Variants in ULK2 observed in about 807,000 individuals in gnomAD.
ULK2 encodes the protein serine/threonine-protein kinase ULK2.
A neutral mutation model predicts 127.5 loss-of-function variants in ULK2; 76 were observed. The observed-to-expected ratio is 0.60, with a 90% confidence interval of 0.50 to 0.72. The LOEUF is 0.72. ULK2 is among the 30% of genes least tolerant of loss of function. ULK2 has a pLI of 0.00. For synonymous variants in ULK2, 452 were observed against 461.9 expected (o/e 0.98, Z 0.28); for missense variants, 1,144 against 1,295.9 (o/e 0.88, Z 1.80).
chr17:19,785,868 T>C (rs899931506), intron 21 of ULK2, 69 bp downstream of exon 21: 9 of 1,552,888 alleles, frequency 5.8e-6, no homozygotes, highest in Non-Finnish European at 7.8e-6. Context: ...GTTACAACAC[T>C]GAGTCATTTG....
At chr17:19,781,693 C>A (rs185124187) in intron 23 of ULK2, among the ~76,000 whole-genome samples, 196 bp downstream of exon 23, 84 of 152,246 alleles carry the variant, frequency 5.5e-4, no homozygotes, top group Middle Eastern at 6.8e-3. Context: ...GTATAATTTA[C>A]AAGGAAAGGC....
intron 12 of ULK2, among the ~76,000 whole-genome samples, chr17:19,823,560 AAT>A (rs1293247534): frequency 1.3e-5 from 2 of 152,166 alleles, no homozygotes; most frequent in Non-Finnish European, 2.9e-5. Flanking sequence ...CATTGTGTCA[AAT>A]ATATGGTTCA....
chr17:19,799,580 A>C lies in ULK2; in HGVS notation c.1442-5T>G. 5.0e-6 allele frequency: 2 copies of C among 400,172 alleles called. No individual in the cohort carries two copies. Among genetic ancestry groups the C allele is most frequent in the Admixed American group, 1.5e-4 (1 of 6,518 alleles). 24.8% of individuals were successfully genotyped at this position (400,172 alleles called of 1,614,324 possible). A position where few individuals can be genotyped will look rare whatever the true frequency, so the allele number is the denominator to read the frequency against. On this transcript the variant is annotated splice_polypyrimidine_tract_variant and splice_region_variant and intron_variant, in intron 16 of 26. Coordinates refer to ENST00000395544, the MANE Select transcript of ULK2 (RefSeq NM_014683.4). ...ATTGCTCAGGAATGGTACCAACTAC[A>C]AAAAAAAAAAAAAAAAAGATGGGGA...
chr17:19,810,504 C>A, intron 13 of ULK2, 66 bp from the exon 14 acceptor site: 1 of 1,006,902 alleles, frequency 9.9e-7, no homozygotes, highest in South Asian at 1.5e-5. Flanking sequence ...CAAATTTGTT[C>A]CAAAATGATT....
At position 19,775,194 on chromosome 17, in the gene ULK2, G is replaced by A. The variant is rs1377021016; in HGVS notation, c.*1155C>T. On this transcript the variant is annotated 3_prime_UTR_variant, in exon 27 of 27. Coordinates refer to ENST00000395544, the MANE Select transcript of ULK2 (RefSeq NM_014683.4). ...ACAACGTAGGAACCATTCCTGGAGG[G>A]ATATTAAGTTAACTGCCTGCATTCT... is the stretch of plus-strand genomic sequence containing the variant. 1 of 152,610 alleles carries A rather than the reference G, an allele frequency of 6.6e-6. No individual in the cohort carries two copies. The highest frequency in any genetic ancestry group is 6.5e-5 in the Admixed American group (1 of 15,278). 9.5% of individuals were successfully genotyped at this position (152,610 alleles called of 1,614,324 possible).
chr17:19,823,126 ATT>A (rs3884213), intron 12 of ULK2, among the ~76,000 whole-genome samples: 2 of 113,144 alleles, frequency 1.8e-5, no homozygotes, highest in Admixed American at 1.0e-4. Flanking sequence ...ACGCCTGGCT[ATT>A]TTTTTTTTTT....
At chr17:19,862,585 G>A (rs1216187734) in intron 3 of ULK2, among the ~76,000 whole-genome samples, 1 of 151,310 alleles carries the variant, frequency 6.6e-6, no homozygotes, top group African/African-American at 2.4e-5. Context: ...CCTGCCTCAG[G>A]CTCCTGAGTA....
At chr17:19,851,567 G>A (rs976593569) in intron 3 of ULK2, among the ~76,000 whole-genome samples, 3 of 151,716 alleles carry the variant, frequency 2.0e-5, no homozygotes, top group Non-Finnish European at 4.4e-5. Context: ...TTGAGCCTGG[G>A]AGGTGGAGGT....
Position 19,825,153 on chromosome 17 carries a change from C to T in ULK2, c.865G>A (p.Gly289Ser), listed in dbSNP as rs2041255967. 1 of 1,613,986 alleles carries T rather than the reference C, an allele frequency of 6.2e-7. No homozygotes were observed. The highest frequency in any genetic ancestry group is 1.3e-5 in the African/African-American group (1 of 74,896). Residue 289 changes from glycine to serine, a missense_variant, in exon 12 of 27, where the codon GGT (glycine) becomes AGT (serine). Gly to Ser is a moderately conservative substitution (Grantham distance 56). Transcript: ENST00000395544. ...SCPVPVPMYS[G>S]SVSGSSCGSS... ...CCACAGGAGCTTCCAGAGACAGAAC[C>T]AGAATACATGGGCACTGGAACTGGG...
intron 25 of ULK2, 111 bp from the exon 26 acceptor site, chr17:19,777,827 A>G: frequency 7.6e-7 from 1 of 1,318,696 alleles, no homozygotes; most frequent in Non-Finnish European, 1.0e-6. Context: ...ACATTTTGGT[A>G]AAGTGATACA....
chr17:19,804,712 T>C lies in ULK2; in HGVS notation c.1276A>G (p.Asn426Asp), dbSNP rs893238454. Residue 426 changes from asparagine (N) to aspartate (D), a missense_variant, in exon 15 of 27, where the codon AAT (asparagine) becomes GAT (aspartate). Transcript: ENST00000395544. ...ACTTACCTTGGAGAACCATGTACAT[T>C]TGTGCCTGAGCTGGCAGTAGATGTA... ...NLTSTASSGTNVHGSPRSAVV... is the reference protein window; with the variant it reads ...NLTSTASSGTDVHGSPRSAVV... 3 of 1,607,792 alleles carry C rather than the reference T, an allele frequency of 1.9e-6. No homozygotes were observed. The highest frequency in any genetic ancestry group is 1.3e-5 in the African/African-American group (1 of 74,782).
intron 20 of ULK2, among the ~76,000 whole-genome samples, chr17:19,787,830 C>T (rs758296312): frequency 1.3e-5 from 2 of 152,230 alleles, no homozygotes; most frequent in African/African-American, 4.8e-5. Flanking sequence ...GAAAGGCAGT[C>T]TTGAATCACC....
At chr17:19,821,833 G>T (rs2041154393) in intron 12 of ULK2, among the ~76,000 whole-genome samples, 1 of 151,984 alleles carries the variant, frequency 6.6e-6, no homozygotes, top group Non-Finnish European at 1.5e-5. Context: ...TCGAAGTCAG[G>T]GGCTCAAGCA....
intron 12 of ULK2, among the ~76,000 whole-genome samples, chr17:19,819,888 G>A (rs567733967): frequency 1.3e-5 from 2 of 152,176 alleles, no homozygotes; most frequent in African/African-American, 2.4e-5. Context: ...AATAAAAGGT[G>A]CAAGGGTCTC....
chr17:19,782,897 C>T (rs553722805), intron 22 of ULK2, among the ~76,000 whole-genome samples: 105 of 150,730 alleles, frequency 7.0e-4, no homozygotes, highest in African/African-American at 1.8e-3. Context: ...ACCTGGGTGA[C>T]AGAGCAAGAC....
intron 21 of ULK2, 151 bp downstream of exon 21, chr17:19,785,786 G>T: frequency 1.1e-6 from 1 of 947,242 alleles, no homozygotes. Flanking sequence ...AACCCATTAA[G>T]ATAAAGAAAA....
At chr17:19,789,505 T>C (rs527328188) in intron 20 of ULK2, among the ~76,000 whole-genome samples, 5 of 152,048 alleles carry the variant, frequency 3.3e-5, no homozygotes, top group Non-Finnish European at 7.4e-5. Flanking sequence ...CGGACAAAAA[T>C]CTACATCAAG....
In ULK2 at chr17:19,783,696, C is replaced by A; in HGVS notation, c.2460+1G>T. On this transcript the variant is annotated splice_donor_variant, in intron 22 of 26. Coordinates refer to ENST00000395544, the MANE Select transcript of ULK2 (RefSeq NM_014683.4). LOFTEE classifies it high-confidence loss of function. ...TCACACCACTATAGTCTCTTTTCTA[C>A]CTCCATCAGCGTCTCCTCCGGCAGT... 1 of 1,510,320 alleles carries A rather than the reference C, an allele frequency of 6.6e-7. No homozygotes were observed. Among genetic ancestry groups the A allele is most frequent in the Admixed American group, 2.2e-5 (1 of 45,790 alleles). 93.6% of individuals were successfully genotyped at this position (1,510,320 alleles called of 1,614,324 possible).
chr17:19,807,642 CA>C (rs2087541689), intron 14 of ULK2, among the ~76,000 whole-genome samples: 1 of 151,464 alleles, frequency 6.6e-6, no homozygotes, highest in African/African-American at 2.4e-5. Flanking sequence ...AAAAAGGAGC[CA>C]AAGATGACTC....
Sources: gnomAD v4.1 joint callset for allele counts (sites outside exome capture counted in the v4.1 genomes callset) on GRCh38, gnomAD v4.1.1 for gene constraint, MANE v1.5 for transcripts, NCBI Gene and HGNC (gene_info 2026-07-23, HGNC 2026-07-21) for gene names.